The following TENM2 variants were observed in gnomAD, a reference collection of about 807,000 sequenced individuals.
TENM2 encodes teneurin-2.
Under a neutral mutation model 245.2 loss-of-function variants are expected in TENM2, and 52 were observed. The observed-to-expected ratio is 0.21, with a 90% CI of 0.17 to 0.27. The LOEUF is 0.27. Among genes scored for constraint, TENM2 ranks in the 10% least tolerant of loss-of-function variants. The probability of loss-of-function intolerance (pLI) is 1.00; values close to 1 mark genes in which losing one functional copy is unlikely to be tolerated. For missense variants in TENM2, 3,046 were observed against 3,666.8 expected, an observed-to-expected ratio of 0.83 and a Z score of 4.37; for synonymous variants, 1,363 against 1,438.9, an observed-to-expected ratio of 0.95 and a Z score of 1.19.
intron 4 of TENM2, among the ~76,000 whole-genome samples, chr5:167,956,233 T>G (rs1780548678): frequency 6.6e-6 from 1 of 152,218 alleles, no homozygotes; most frequent in Non-Finnish European, 1.5e-5. Context: ...TTGTAGCAAT[T>G]GTGAATGGGA....
At chr5:167,932,375 GTCT>G (rs1778355424) in intron 3 of TENM2, among the ~76,000 whole-genome samples, 1 of 152,014 alleles carries the variant, frequency 6.6e-6, no homozygotes, top group African/African-American at 2.4e-5. Context: ...ATTATTCAGG[GTCT>G]TCTTCCATCT....
Position 167,933,562 on chromosome 5 carries a change from T to G in TENM2, c.713-19026T>G, listed in dbSNP as rs531154937. 1.3e-4 allele frequency among the ~76,000 whole-genome samples: 20 copies of G among 152,280 alleles called. 1 individual carries two copies. Among genetic ancestry groups the G allele is most frequent in the African/African-American group, 4.6e-4 (19 of 41,558 alleles). ...TAGCTTCCAATTTGGAATTATTATA[T>G]CCACACAGCATGGTTAAAATAAAAA... On this transcript the variant is annotated intron_variant, in intron 3 of 28. Coordinates refer to ENST00000518659, the Ensembl canonical transcript of TENM2.
the TENM2 span, among the ~76,000 whole-genome samples, chr5:167,109,536 C>G: frequency 1.3e-5 from 2 of 152,158 alleles, no homozygotes; most frequent in East Asian, 3.9e-4. Context: ...AAATACAACT[C>G]ACTTCCCACG....
chr5:167,776,593 G>GAAAAAAAAAAAAAAAAAAAAA (rs869252752), intron 2 of TENM2, among the ~76,000 whole-genome samples: 2 of 36,026 alleles, frequency 5.6e-5, no homozygotes, highest in African/African-American at 8.7e-5. Flanking sequence ...GACCCTGTCT[G>GAAAAAAAAAAAAAAAAAAAAA]AAAAAAAAAA....
intron 10 of TENM2, among the ~76,000 whole-genome samples, chr5:168,121,598 C>T (rs926718009): frequency 1.3e-5 from 2 of 152,094 alleles, no homozygotes; most frequent in Non-Finnish European, 2.9e-5. Flanking sequence ...TTTCCTCCTT[C>T]CTTTATACTA....
chr5:168,036,703 A>ATG (rs60566569), intron 5 of TENM2, among the ~76,000 whole-genome samples: 4 of 93,390 alleles, frequency 4.3e-5, no homozygotes, highest in Non-Finnish European at 6.2e-5. Context: ...ATATATATGT[A>ATG]TGTGTATATA....
intron 2 of TENM2, among the ~76,000 whole-genome samples, chr5:167,569,013 A>G (rs1436510094): frequency 6.8e-6 from 1 of 146,600 alleles, no homozygotes; most frequent in East Asian, 2.1e-4. Context: ...TGAGGGGCCC[A>G]TCTTCAAGCA....
chr5:167,429,569 A>G (rs1764078471), intron 2 of TENM2, among the ~76,000 whole-genome samples: 1 of 149,758 alleles, frequency 6.7e-6, no homozygotes, highest in Non-Finnish European at 1.5e-5. Flanking sequence ...GGAGGTCATC[A>G]GGAAGGTCAG....
intron 5 of TENM2, 44 bp downstream of exon 7, chr5:167,993,226 A>T: frequency 6.7e-7 from 1 of 1,500,370 alleles, no homozygotes; most frequent in Non-Finnish European, 9.2e-7. Flanking sequence ...GGATGACAAC[A>T]TGAGGGGAGA....
chr5:167,859,066 A>G (rs1771387273), intron 2 of TENM2, among the ~76,000 whole-genome samples: 1 of 149,298 alleles, frequency 6.7e-6, no homozygotes, highest in South Asian at 2.1e-4. Flanking sequence ...GGAAGTGAGG[A>G]GCGTCTCTGC....
intron 2 of TENM2, among the ~76,000 whole-genome samples, chr5:167,579,446 G>T (rs973455142): frequency 6.6e-6 from 1 of 152,176 alleles, no homozygotes; most frequent in Non-Finnish European, 1.5e-5. Flanking sequence ...ATTATTGTCT[G>T]TTATTTGTTA....
intron 2 of TENM2, among the ~76,000 whole-genome samples, chr5:167,555,091 GCACA>G (rs891580809): frequency 6.6e-6 from 1 of 151,906 alleles, no homozygotes; most frequent in Non-Finnish European, 1.5e-5. Context: ...GCGCGTGCAC[GCACA>G]CACACACATG....
the TENM2 span, among the ~76,000 whole-genome samples, chr5:167,029,409 A>T: frequency 1.6e-4 from 25 of 152,132 alleles, no homozygotes; most frequent in Non-Finnish European, 3.1e-4. Flanking sequence ...CCAATAGTTA[A>T]GGTGAAATTG....
At chr5:167,487,560 T>C (rs1412675900) in intron 2 of TENM2, among the ~76,000 whole-genome samples, 1 of 152,208 alleles carries the variant, frequency 6.6e-6, no homozygotes, top group Non-Finnish European at 1.5e-5. Flanking sequence ...TTTCTGTGTA[T>C]GAATGTGGTC....
At chr5:167,741,130 T>G (rs67767662) in intron 2 of TENM2, among the ~76,000 whole-genome samples, 33,897 of 152,128 alleles carry the variant, frequency 0.22, 4,097 homozygotes, top group East Asian at 0.45. Context: ...AAGCCTTCCC[T>G]GAAGTTAAGT....
intron 2 of TENM2, among the ~76,000 whole-genome samples, chr5:167,663,348 G>A (rs1755368681): frequency 6.6e-6 from 1 of 152,132 alleles, no homozygotes; most frequent in African/African-American, 2.4e-5. Context: ...TTGCATAATA[G>A]CCAGTTATAC....
intron 3 of TENM2, among the ~76,000 whole-genome samples, chr5:167,902,227 A>G (rs1775763434): frequency 6.6e-6 from 1 of 152,166 alleles, no homozygotes; most frequent in Admixed American, 6.5e-5. Context: ...TGCAGTGAGT[A>G]TGAAAGATAC....
At chr5:168,114,475 T>A (rs1430481787) in intron 9 of TENM2, among the ~76,000 whole-genome samples, 1 of 152,178 alleles carries the variant, frequency 6.6e-6, no homozygotes, top group African/African-American at 2.4e-5. Context: ...CCATTTCACA[T>A]CCAGCCTCTT....
chr5:167,591,941 T>C (rs1775903673), intron 2 of TENM2, among the ~76,000 whole-genome samples: 1 of 152,128 alleles, frequency 6.6e-6, no homozygotes, highest in African/African-American at 2.4e-5. Context: ...CTGTTGAGAG[T>C]GTAAGCATCA....
Sources: allele counts gnomAD v4.1 joint callset (sites outside exome capture counted in the v4.1 genomes callset), GRCh38; gene constraint gnomAD v4.1.1; transcripts MANE v1.5; gene names NCBI Gene and HGNC (gene_info 2026-07-23, HGNC 2026-07-21).